The following ECI2 variants were observed in gnomAD, a reference collection of about 807,000 sequenced individuals.
The protein encoded by ECI2 is D3,D2-enoyl-CoA isomerase.
Under a neutral mutation model 38.4 loss-of-function variants are expected in ECI2, and 27 were observed. That is an observed-to-expected ratio of 0.70 (90% confidence interval 0.52 to 0.97). The LOEUF (loss-of-function observed/expected upper bound fraction) is 0.97, where lower values mean the gene tolerates loss of function less well. Among genes scored for constraint, ECI2 ranks in the 50% least tolerant of loss-of-function variants. ECI2 has a pLI of 0.00. For synonymous variants in ECI2, 168 were observed against 172.0 expected, an observed-to-expected ratio of 0.98 and a Z score of 0.18; for missense variants, 470 against 474.4, an observed-to-expected ratio of 0.99 and a Z score of 0.09.
At position 4,119,256 on chromosome 6, in the gene ECI2, A is replaced by G. The variant is rs779926229; in HGVS notation, c.815T>C (p.Phe272Ser). 1.3e-5 allele frequency: 21 copies of G among 1,613,398 alleles called. No individual in the cohort carries two copies. The highest frequency in any genetic ancestry group is 2.7e-5 in the African/African-American group (2 of 74,858). The change falls in exon 8 of 10, where the codon TTT (phenylalanine) becomes TCT (serine). Residue 272 changes from phenylalanine (F) to serine (S), a missense_variant. By Grantham distance (155) the Phe-to-Ser change is radical. Coordinates refer to ENST00000380118, the MANE Select transcript of ECI2 (RefSeq NM_206836.3). Reference protein sequence around the residue: ...ASDRATFHTPFSHLGQSPEGC... With the variant: ...ASDRATFHTPSSHLGQSPEGC... ...TTCCGGACTTTGGCCTAGGTGACTAAATGGTGTATGAAATGTTGCCTGCAG... is the reference window on the plus strand; with the variant it reads ...TTCCGGACTTTGGCCTAGGTGACTAGATGGTGTATGAAATGTTGCCTGCAG...
chr6:4,123,448 G>A (rs1032004934), intron 7 of ECI2, among the ~76,000 whole-genome samples: 3 of 151,716 alleles, frequency 2.0e-5, no homozygotes, highest in East Asian at 1.9e-4. Flanking sequence ...TATTTTAAAT[G>A]ATGCTTGATT....
At chr6:4,128,834 A>T (rs1204141456) in intron 4 of ECI2, among the ~76,000 whole-genome samples, 1 of 152,234 alleles carries the variant, frequency 6.6e-6, no homozygotes, top group East Asian at 1.9e-4. Context: ...GGGGGACTTC[A>T]GGTTCCGCGG....
chr6:4,115,980 A>G lies in ECI2; in HGVS notation c.1079T>C (p.Leu360Pro). 2 of 1,614,126 alleles carry G rather than the reference A, an allele frequency of 1.2e-6. No homozygotes were observed. The highest frequency in any genetic ancestry group is 8.5e-7 in the Non-Finnish European group (1 of 1,180,022). The change falls in exon 10 of 10, where the codon CTA becomes CCA. Residue 360 changes from leucine (L) to proline (P), a missense_variant. Coordinates refer to ENST00000380118, the MANE Select transcript of ECI2 (RefSeq NM_206836.3). ...GCATTCTTCAGCATTAACAGCGTGTAGTTTTTCTCTCTCTCTTTTCCTGAT... is the reference window on the plus strand; with the variant it reads ...GCATTCTTCAGCATTAACAGCGTGTGGTTTTTCTCTCTCTCTTTTCCTGAT... ...EVIRKREREK[L>P]HAVNAEECNV...
Position 4,126,413 on chromosome 6 carries a change from G to A in ECI2, c.572-176C>T, listed in dbSNP as rs79131445. 2.5e-3 allele frequency among the ~76,000 whole-genome samples: 379 copies of A among 152,252 alleles called. 3 individuals are homozygous for A. The highest frequency in any genetic ancestry group is 8.1e-3 in the African/African-American group (338 of 41,532). ...GGACACTGATCTATAAAAACACACC[G>A]ATAAATGTAGCTAATGCTACTGTTG... is the stretch of plus-strand genomic sequence containing the variant. On this transcript the variant is annotated intron_variant, in intron 5 of 9. Transcript: ENST00000380118.
intron 7 of ECI2, among the ~76,000 whole-genome samples, chr6:4,123,933 C>T (rs527970260): frequency 1.3e-5 from 2 of 151,504 alleles, no homozygotes; most frequent in East Asian, 3.9e-4. Flanking sequence ...TGCATTCCAG[C>T]TTGGGTGACA....
Position 4,115,761 on chromosome 6 carries a change from T to C in ECI2, c.*113A>G, listed in dbSNP as rs990440419. 2.1e-6 allele frequency: 3 copies of C among 1,397,428 alleles called. No homozygotes were observed. Among genetic ancestry groups the C allele is most frequent in the Non-Finnish European group, 2.9e-6 (3 of 1,019,000 alleles). The allele number at this position is 1,397,428 out of a possible 1,614,324, so 86.6% of individuals were successfully genotyped here. A position where few individuals can be genotyped will look rare whatever the true frequency, so the allele number is the denominator to read the frequency against. On this transcript the variant is annotated 3_prime_UTR_variant, in exon 10 of 10. Transcript: ENST00000380118. Reference sequence around the variant, plus strand: ...CTGTAGTGAAATATCATCATTGTAATTGATATTCTAGCACTACAAAAGGCA... The same window carrying C: ...CTGTAGTGAAATATCATCATTGTAACTGATATTCTAGCACTACAAAAGGCA...
At chr6:4,128,874 C>A (rs1389566975) in intron 4 of ECI2, among the ~76,000 whole-genome samples, 1 of 152,140 alleles carries the variant, frequency 6.6e-6, no homozygotes, top group Non-Finnish European at 1.5e-5. Flanking sequence ...GGTCCTGGAA[C>A]CAATCCCCAT....
At position 4,133,561 on chromosome 6, in the gene ECI2, C is replaced by T. The variant is rs765656017; in HGVS notation, c.201G>A (p.Ala67=). 5.2e-5 allele frequency: 84 copies of T among 1,611,754 alleles called. No individual in the cohort carries two copies. The highest frequency in any genetic ancestry group is 6.5e-5 in the Non-Finnish European group (77 of 1,179,084). ...CGTAGGCATTTACCTGCTTATATAG[C>T]GCGTAGAGTTTTAGCTTCACTTCGT... ...PGNEVKLKLY[A]LYKQATEGPC... is the part of the protein sequence containing the mutation. The change falls in exon 2 of 10, where the codon GCG becomes GCA. Residue 67 remains alanine, a synonymous_variant. Transcript: ENST00000380118.
chr6:4,133,786 G>T, intron 1 of ECI2, 75 bp from the exon 2 acceptor site: 1 of 1,476,764 alleles, frequency 6.8e-7, no homozygotes. Context: ...ATTGTTCCCA[G>T]CCTATACATA....
intron 7 of ECI2, among the ~76,000 whole-genome samples, chr6:4,124,466 G>A (rs563418453): frequency 6.6e-6 from 1 of 152,262 alleles, no homozygotes; most frequent in East Asian, 1.9e-4. Flanking sequence ...CATCACATAA[G>A]CATAAGTCAC....
rs770460898 is a variant in ECI2 at position 4,119,312 on chromosome 6, A to C, written c.796-37T>G. On this transcript the variant is annotated intron_variant, in intron 7 of 9. Transcript: ENST00000380118. ...GGAGAGAAAAGAAAACCATCTTTTCATGTGTGATTTTTTTTTTTTTTTTTG... is the reference window on the plus strand; with the variant it reads ...GGAGAGAAAAGAAAACCATCTTTTCCTGTGTGATTTTTTTTTTTTTTTTTG... The C allele has an allele frequency of 2.7e-6, 4 of 1,469,826 alleles. No individual in the cohort carries two copies. In the East Asian group the frequency reaches 9.1e-5, roughly 34 times the overall value. 91.0% of individuals were successfully genotyped at this position (1,469,826 alleles called of 1,614,324 possible). A position where few individuals can be genotyped will look rare whatever the true frequency, so the allele number is the denominator to read the frequency against.
chr6:4,126,468 G>C (rs1012671344), intron 5 of ECI2, among the ~76,000 whole-genome samples: 1 of 152,220 alleles, frequency 6.6e-6, no homozygotes, highest in Non-Finnish European at 1.5e-5. Context: ...CATGAAATGA[G>C]GGTATGTACC....
Position 4,130,487 on chromosome 6 carries a change from T to A in ECI2, c.386A>T (p.Glu129Val). ...SPSLESSSQV[E>V]PGTDRKSTGF... The stretch of plus-strand genomic sequence containing the variant: ...AGTTGATTTCCTGTCTGTTCCAGGC[T>A]CCACCTGACTAGAGGATTCCAATGA... The change falls in exon 4 of 10, where the codon GAG becomes GTG. Residue 129 changes from glutamate to valine, a missense_variant. Physicochemically the swap from Glu to Val is moderately radical, Grantham distance 121. Coordinates refer to ENST00000380118, the MANE Select transcript of ECI2 (RefSeq NM_206836.3). 1 of 1,614,216 alleles carries A rather than the reference T, an allele frequency of 6.2e-7. No homozygotes were observed.
At chr6:4,118,849 G>A in intron 8 of ECI2, 1 of 183,320 alleles carries the variant, frequency 5.5e-6, no homozygotes, top group Non-Finnish European at 1.1e-5. Context: ...GACCAAGGGA[G>A]GCTGGCACAG....
intron 2 of ECI2, 76 bp downstream of exon 2, chr6:4,133,473 G>A: frequency 6.6e-7 from 1 of 1,507,410 alleles, no homozygotes; most frequent in Non-Finnish European, 8.9e-7. Context: ...CCACATTTTA[G>A]TAAACACACA....
chr6:4,119,079 C>T lies in ECI2; in HGVS notation c.885+107G>A, dbSNP rs1231847617. The T allele has an allele frequency of 6.5e-6, 6 of 917,980 alleles. No homozygotes were observed. In the East Asian group the frequency reaches 1.6e-4, roughly 25 times the overall value. 56.9% of individuals were successfully genotyped at this position (917,980 alleles called of 1,614,324 possible). On this transcript the variant is annotated intron_variant, in intron 8 of 9. Coordinates refer to ENST00000380118, the MANE Select transcript of ECI2 (RefSeq NM_206836.3). ...GTTGAAAAGCAAATCATTAGCTTCT[C>T]TTTTGTCCATATTACCAAGGGAAAG...
In ECI2 at chr6:4,133,725, G is replaced by A. The variant is rs1380427822; in HGVS notation, c.51-14C>T. The A allele has an allele frequency of 1.3e-6, 2 of 1,581,858 alleles. No homozygotes were observed. Among genetic ancestry groups the A allele is most frequent in the East Asian group, 4.5e-5 (2 of 43,982 alleles). Reference sequence around the variant, plus strand: ...ACCTGCAGAGAACTACAATTAGGCAGACTGATTTCTATTTGTTCCCAACCC... The same window carrying A: ...ACCTGCAGAGAACTACAATTAGGCAAACTGATTTCTATTTGTTCCCAACCC... On this transcript the variant is annotated splice_polypyrimidine_tract_variant and intron_variant, in intron 1 of 9. Coordinates refer to ENST00000380118, the MANE Select transcript of ECI2 (RefSeq NM_206836.3).
chr6:4,121,885 AAAT>A (rs1359643084), intron 7 of ECI2: 43 of 922,132 alleles, frequency 4.7e-5, no homozygotes, highest in Non-Finnish European at 6.0e-5. Flanking sequence ...ATATACATAA[AAAT>A]AATCACAATA....
chr6:4,119,107 G>T, intron 8 of ECI2, 79 bp downstream of exon 8: 1 of 1,176,124 alleles, frequency 8.5e-7, no homozygotes, highest in South Asian at 1.5e-5. Flanking sequence ...AGGGAAAGAA[G>T]GGAGAGTATA....
Sources: allele counts gnomAD v4.1 joint callset (sites outside exome capture counted in the v4.1 genomes callset), GRCh38; gene constraint gnomAD v4.1.1; transcripts MANE v1.5; gene names NCBI Gene and HGNC (gene_info 2026-07-23, HGNC 2026-07-21).